CCDC102B: variants seen among roughly 807,000 people sequenced by gnomAD.
CCDC102B encodes the protein coiled-coil domain-containing protein 102B.
In CCDC102B, 75 loss-of-function variants were observed where a neutral mutation model predicts 57.4. That is an observed-to-expected ratio of 1.31 (90% CI 1.08 to 1.58). CCDC102B has a LOEUF of 1.58. Ranked by LOEUF, CCDC102B falls within the 40% of genes most tolerant of loss-of-function variation. The pLI is 0.00. For missense variants in CCDC102B, 636 were observed against 582.6 expected, an observed-to-expected ratio of 1.09 and a Z score of -0.94; for synonymous variants, 206 against 201.9, an observed-to-expected ratio of 1.02 and a Z score of -0.17.
intron 7 of CCDC102B, among the ~76,000 whole-genome samples, chr18:69,014,974 A>AGTGTGTGT (rs1189382089): frequency 4.6e-4 from 54 of 116,706 alleles, no homozygotes; most frequent in Middle Eastern, 8.3e-3. Context: ...AGAGAGAGAG[A>AGTGTGTGT]GAGAGTGTGT....
chr18:68,838,368 C>T (rs1040703738), intron 2 of CCDC102B: 3 of 969,732 alleles, frequency 3.1e-6, no homozygotes, highest in Non-Finnish European at 3.7e-6. Context: ...ACAAAAGAAA[C>T]TTGAAAGAGG....
At chr18:69,027,979 A>G (rs1982040) in intron 7 of CCDC102B, among the ~76,000 whole-genome samples, 125,377 of 152,096 alleles carry the variant, frequency 0.82, 53,881 homozygotes, top group Non-Finnish European at 0.96. Flanking sequence ...CAACCATGGT[A>G]TAATAGTAAT....
intron 6 of CCDC102B, among the ~76,000 whole-genome samples, chr18:68,948,510 A>G (rs575061468): frequency 6.6e-6 from 1 of 152,260 alleles, no homozygotes; most frequent in South Asian, 2.1e-4. Context: ...AAATCAATGA[A>G]ACATTGAAGA....
chr18:68,955,091 T>G (rs1198269734), intron 6 of CCDC102B, among the ~76,000 whole-genome samples: 2 of 152,208 alleles, frequency 1.3e-5, no homozygotes, highest in Admixed American at 1.3e-4. Context: ...CAATGATGGC[T>G]ACAACGCTAA....
chr18:68,755,954 G>T (rs1406140123), intron 2 of CCDC102B, among the ~76,000 whole-genome samples: 4 of 151,500 alleles, frequency 2.6e-5, no homozygotes, highest in African/African-American at 9.7e-5. Flanking sequence ...GTAGATAAAA[G>T]AGCTATTCAA....
chr18:68,841,082 C>T (rs938884569), intron 3 of CCDC102B, among the ~76,000 whole-genome samples: 4 of 152,162 alleles, frequency 2.6e-5, no homozygotes, highest in Non-Finnish European at 5.9e-5. Flanking sequence ...CCGCATGAGG[C>T]AATCAGTCTT....
intron 6 of CCDC102B, among the ~76,000 whole-genome samples, chr18:68,970,691 A>G (rs759862407): frequency 2.0e-5 from 3 of 152,028 alleles, no homozygotes; most frequent in Non-Finnish European, 4.4e-5. Context: ...CACATAAATT[A>G]TAAATATACT....
chr18:69,055,966 T>A (rs943329202), downstream of CCDC102B, among the ~76,000 whole-genome samples: 3 of 152,082 alleles, frequency 2.0e-5, no homozygotes, highest in African/African-American at 7.2e-5. Context: ...TCCTCAGTGA[T>A]CTTAGTACAG....
chr18:69,010,816 T>C (rs2051494635), intron 6 of CCDC102B, 118 bp from the exon 7 acceptor site: 3 of 646,518 alleles, frequency 4.6e-6, no homozygotes, highest in Non-Finnish European at 7.6e-6. Flanking sequence ...CAAATGAAGA[T>C]GATGGCTCAT....
chr18:68,946,194 G>A (rs190758659), intron 6 of CCDC102B, among the ~76,000 whole-genome samples: 2 of 151,964 alleles, frequency 1.3e-5, no homozygotes, highest in East Asian at 3.9e-4. Flanking sequence ...TATTTATTTA[G>A]ATCTTTTTCT....
Position 68,769,444 on chromosome 18 carries a change from T to C in CCDC102B, c.-67+52850T>C, listed in dbSNP as rs530677415. Among the ~76,000 whole-genome samples, 76 of 152,148 alleles carry C rather than the reference T, an allele frequency of 5.0e-4. No homozygotes were observed. In the South Asian group the frequency reaches 0.016, roughly 32 times the overall value. Reference sequence around the variant, plus strand: ...TATTGGGGGTTAGAGGTTCAACATATGAGTTTAAAGGGTACACAATTAGGT... The same window carrying C: ...TATTGGGGGTTAGAGGTTCAACATACGAGTTTAAAGGGTACACAATTAGGT... On this transcript the variant is annotated intron_variant, in intron 2 of 3. Coordinates refer to the CCDC102B transcript ENST00000578970.
intron 1 of CCDC102B, among the ~76,000 whole-genome samples, chr18:68,805,389 A>C (rs9946395): frequency 6.6e-6 from 1 of 152,128 alleles, no homozygotes; most frequent in African/African-American, 2.4e-5. Flanking sequence ...GTGTTTTCTC[A>C]AAGCCTGATC....
intron 7 of CCDC102B, among the ~76,000 whole-genome samples, chr18:69,050,601 G>C (rs533675714): frequency 1.3e-5 from 2 of 152,194 alleles, no homozygotes; most frequent in Admixed American, 6.5e-5. Flanking sequence ...ACCACATAAT[G>C]CAATCTATAA....
intron 7 of CCDC102B, among the ~76,000 whole-genome samples, chr18:69,033,385 A>G (rs1394582681): frequency 6.6e-6 from 1 of 152,120 alleles, no homozygotes; most frequent in African/African-American, 2.4e-5. Flanking sequence ...CTACAATCTA[A>G]TTTTAAAACA....
At chr18:68,957,038 C>T (rs2049919369) in intron 6 of CCDC102B, among the ~76,000 whole-genome samples, 1 of 151,956 alleles carries the variant, frequency 6.6e-6, no homozygotes, top group Admixed American at 6.6e-5. Flanking sequence ...GCTCCCTTGT[C>T]AGATGGATAG....
intron 6 of CCDC102B, among the ~76,000 whole-genome samples, chr18:68,943,090 C>T (rs56332584): frequency 0.36 from 27,536 of 77,340 alleles, 7,011 homozygotes; most frequent in Non-Finnish European, 0.48. Context: ...CATGTTTTTG[C>T]GAGCACAGGG....
intron 6 of CCDC102B, among the ~76,000 whole-genome samples, chr18:68,953,884 A>G (rs2145203622): frequency 6.6e-6 from 1 of 152,126 alleles, no homozygotes; most frequent in African/African-American, 2.4e-5. Context: ...CATGCGCTTT[A>G]TATCTTTATC....
At chr18:69,026,100 G>A (rs888647210) in intron 7 of CCDC102B, among the ~76,000 whole-genome samples, 1 of 152,112 alleles carries the variant, frequency 6.6e-6, no homozygotes, top group Non-Finnish European at 1.5e-5. Context: ...CTCATTCTGC[G>A]GGGGAGAACG....
Position 69,011,061 on chromosome 18 carries a change from G to T in CCDC102B, c.1391G>T (p.Arg464Leu), listed in dbSNP as rs368149502. 6 of 1,613,734 alleles carry T rather than the reference G, an allele frequency of 3.7e-6. No individual in the cohort carries two copies. In the African/African-American group the frequency reaches 6.7e-5, roughly 18 times the overall value. Residue 464 changes from arginine to leucine, a missense_variant, in exon 7 of 8, where the codon CGA becomes CTA. Arg to Leu is a moderately radical substitution (Grantham distance 102). Transcript: ENST00000360242. ...GCAGAAGTAAAGAAACTAAGATTAC[G>T]AGTGGAAGAACTAAAGCAGGGACTC... ...NEAEVKKLRL[R>L]VEELKQGLNQ... is the part of the protein sequence containing the mutation.
Sources: gnomAD v4.1 joint callset for allele counts (sites outside exome capture counted in the v4.1 genomes callset) on GRCh38, gnomAD v4.1.1 for gene constraint, MANE v1.5 for transcripts, NCBI Gene and HGNC (gene_info 2026-07-23, HGNC 2026-07-21) for gene names.